The following GALNT14 variants were observed in gnomAD, a reference collection of about 807,000 sequenced individuals.
GALNT14 encodes the protein polypeptide N-acetylgalactosaminyltransferase 14.
In GALNT14, 60 loss-of-function variants were observed where a neutral mutation model predicts 77.5. The ratio of observed to expected loss-of-function variants is 0.77; its 90% CI spans 0.63 to 0.96. GALNT14 has a LOEUF of 0.96. Among genes scored for constraint, GALNT14 ranks in the 40% least tolerant of loss-of-function variants. The pLI, the probability that GALNT14 is intolerant of heterozygous loss-of-function variation, is 0.00. For missense variants in GALNT14, 710 were observed against 731.0 expected (o/e 0.97, Z 0.33); for synonymous variants, 280 against 281.7 (o/e 0.99, Z 0.06).
intron 12 of GALNT14, 28 bp downstream of exon 12, chr2:30,924,712 C>G: frequency 1.2e-6 from 2 of 1,602,340 alleles, no homozygotes; most frequent in Non-Finnish European, 1.7e-6. Context: ...TTTCAGCCAG[C>G]CAAAGCTCCA....
At chr2:31,100,990 A>G (rs1442591028) in intron 1 of GALNT14, among the ~76,000 whole-genome samples, 2 of 152,204 alleles carry the variant, frequency 1.3e-5, no homozygotes, top group East Asian at 3.9e-4. Flanking sequence ...GAGTGGTTGC[A>G]TGGGTACTCA....
At chr2:30,975,261 C>T (rs1361710613) in intron 2 of GALNT14, among the ~76,000 whole-genome samples, 2 of 152,132 alleles carry the variant, frequency 1.3e-5, no homozygotes, top group Non-Finnish European at 2.9e-5. Flanking sequence ...TACCAAAGTT[C>T]CAAGAATGAT....
intron 1 of GALNT14, among the ~76,000 whole-genome samples, chr2:31,068,487 G>A (rs1229493292): frequency 1.5e-5 from 2 of 131,232 alleles, no homozygotes; most frequent in Non-Finnish European, 3.1e-5. Context: ...CCAGCTGGGT[G>A]ACAAAGCAAG....
At position 31,138,430 on chromosome 2, in the gene GALNT14, G is replaced by A. The variant is rs981454772; in HGVS notation, c.-344C>T. The A allele has an allele frequency of 2.2e-5, 7 of 325,288 alleles. No individual in the cohort carries two copies. The highest frequency in any genetic ancestry group is 3.9e-5 in the Non-Finnish European group (7 of 177,740). 20.2% of individuals were successfully genotyped at this position (325,288 alleles called of 1,614,324 possible). A position where few individuals can be genotyped will look rare whatever the true frequency, so the allele number is the denominator to read the frequency against. On this transcript the variant is annotated 5_prime_UTR_variant, in exon 1 of 15. Transcript: ENST00000349752. ...CGCCGCCGCCTTGCCCGCTGCCGCC[G>A]ATAGGGAAACTGACTCGAGCAGCGA...
At chr2:31,125,964 C>T (rs974364495) in intron 1 of GALNT14, among the ~76,000 whole-genome samples, 7 of 152,144 alleles carry the variant, frequency 4.6e-5, no homozygotes, top group Non-Finnish European at 1.0e-4. Flanking sequence ...TCCTAAAGCA[C>T]CTTAACACTC....
At chr2:31,022,938 G>A (rs12473730) in intron 1 of GALNT14, among the ~76,000 whole-genome samples, 60,446 of 151,964 alleles carry the variant, frequency 0.4, 12,190 homozygotes, top group East Asian at 0.55. Flanking sequence ...TTATCCAGGA[G>A]CTCAGCACTG....
chr2:30,972,870 C>T (rs1384405967), intron 2 of GALNT14, among the ~76,000 whole-genome samples: 1 of 152,190 alleles, frequency 6.6e-6, no homozygotes, highest in East Asian at 1.9e-4. Context: ...TGGGCTGCCA[C>T]GGGTACATCC....
chr2:30,903,085 G>C, the GALNT14 span, among the ~76,000 whole-genome samples: 1 of 152,182 alleles, frequency 6.6e-6, no homozygotes, highest in African/African-American at 2.4e-5. Context: ...AACTATAGGA[G>C]GCCACAAGAG....
At chr2:31,083,226 C>T (rs1315605249) in intron 1 of GALNT14, among the ~76,000 whole-genome samples, 3 of 152,100 alleles carry the variant, frequency 2.0e-5, no homozygotes, top group Non-Finnish European at 4.4e-5. Flanking sequence ...ACTGACATGG[C>T]ATGGGTTGGG....
chr2:31,112,356 G>A (rs1326770995), intron 1 of GALNT14, among the ~76,000 whole-genome samples: 1 of 152,168 alleles, frequency 6.6e-6, no homozygotes, highest in Non-Finnish European at 1.5e-5. Flanking sequence ...TACTGACCTC[G>A]TATTCATAGA....
chr2:31,090,383 A>G (rs1676666408), intron 1 of GALNT14, among the ~76,000 whole-genome samples: 1 of 151,930 alleles, frequency 6.6e-6, no homozygotes, highest in Non-Finnish European at 1.5e-5. Context: ...TGGCCAATGA[A>G]TGGCTTCTTA....
At chr2:30,976,395 C>T (rs78555756) in intron 2 of GALNT14, among the ~76,000 whole-genome samples, 3,582 of 152,266 alleles carry the variant, frequency 0.024, 144 homozygotes, top group East Asian at 0.21. Context: ...TTTTTCTAAA[C>T]AACTAATCTT....
chr2:30,920,722 G>C (rs937797295), intron 13 of GALNT14, among the ~76,000 whole-genome samples: 15 of 152,164 alleles, frequency 9.9e-5, no homozygotes, highest in African/African-American at 3.6e-4. Context: ...ATTTCTTTCA[G>C]TCCCATGTGG....
At chr2:31,096,327 A>G (rs1267436107) in intron 1 of GALNT14, among the ~76,000 whole-genome samples, 1 of 152,214 alleles carries the variant, frequency 6.6e-6, no homozygotes, top group African/African-American at 2.4e-5. Flanking sequence ...TTGGGGGCAC[A>G]TTATTCTGCC....
intron 3 of GALNT14, among the ~76,000 whole-genome samples, chr2:30,959,152 A>C (rs910301655): frequency 3.3e-5 from 5 of 152,132 alleles, no homozygotes; most frequent in African/African-American, 1.2e-4. Context: ...CACAAGGACC[A>C]GTTTGAATGT....
intron 1 of GALNT14, chr2:31,129,730 GGGA>G: frequency 1.3e-6 from 1 of 778,932 alleles, no homozygotes; most frequent in Non-Finnish European, 1.6e-6. Context: ...GGTGGGGGGT[GGGA>G]GGGACATCAA....
intron 1 of GALNT14, among the ~76,000 whole-genome samples, chr2:31,106,146 A>G (rs1677547457): frequency 6.6e-6 from 1 of 152,144 alleles, no homozygotes. Flanking sequence ...CCAAGGCTAT[A>G]ATCTTGGTAT....
chr2:31,016,932 T>C (rs1449769311), intron 1 of GALNT14, among the ~76,000 whole-genome samples: 2 of 152,198 alleles, frequency 1.3e-5, no homozygotes, highest in Non-Finnish European at 2.9e-5. Flanking sequence ...AGGTGTTAGC[T>C]ATCATCCTCA....
chr2:31,116,736 T>G (rs1357568115), intron 1 of GALNT14, among the ~76,000 whole-genome samples: 1 of 152,068 alleles, frequency 6.6e-6, no homozygotes, highest in East Asian at 1.9e-4. Context: ...TAGAGAGAAC[T>G]ATATAACCAT....
Sources: allele counts gnomAD v4.1 joint callset (sites outside exome capture counted in the v4.1 genomes callset), GRCh38; gene constraint gnomAD v4.1.1; transcripts MANE v1.5; gene names NCBI Gene and HGNC (gene_info 2026-07-23, HGNC 2026-07-21).